PABPC1: variants seen among roughly 807,000 people sequenced by gnomAD.
The protein encoded by PABPC1 is poly(A) binding protein cytoplasmic 1.
Under a neutral mutation model 74.0 loss-of-function variants are expected in PABPC1, and 4 were observed. The observed-to-expected ratio is 0.05, with a 90% CI of 0.03 to 0.12. PABPC1 has a LOEUF of 0.12. Ranked by LOEUF, PABPC1 falls within the 10% of genes least tolerant of loss-of-function variation. The pLI, the probability that PABPC1 is intolerant of heterozygous loss-of-function variation, is 1.00. For synonymous variants in PABPC1, 227 were observed against 264.1 expected (o/e 0.86, Z 1.36); for missense variants, 271 against 821.1 (o/e 0.33, Z 8.19).
intron 11 of PABPC1, among the ~76,000 whole-genome samples, chr8:100,706,330 G>A (rs1047547841): frequency 2.0e-5 from 3 of 152,076 alleles, no homozygotes; most frequent in Admixed American, 6.5e-5. Context: ...TTTCTTTTGA[G>A]ACAGAGTCTT....
chr8:100,714,072 G>T (rs1810600326), intron 4 of PABPC1, among the ~76,000 whole-genome samples: 1 of 152,162 alleles, frequency 6.6e-6, no homozygotes, highest in South Asian at 2.1e-4. Context: ...GGCAGAAAAG[G>T]TTAAAAATCA....
At position 100,705,631 on chromosome 8, in the gene PABPC1, T is replaced by C; in HGVS notation, c.1645A>G (p.Met549Val). The C allele has an allele frequency of 1.9e-6, 3 of 1,613,956 alleles. No individual in the cohort carries two copies. Among genetic ancestry groups the C allele is most frequent in the Non-Finnish European group, 2.5e-6 (3 of 1,179,868 alleles). The change falls in exon 12 of 15, where the codon ATG becomes GTG. Residue 549 changes from methionine to valine, a missense_variant. By Grantham distance (21) the Met-to-Val change is conservative (BLOSUM62 1). Transcript: ENST00000318607. Reference sequence around the variant, plus strand: ...TCTTGAGGAGGGGCAGATGCCAACATGGAAGCAGTCAAAGGTTCCTGACCT... The same window carrying C: ...TCTTGAGGAGGGGCAGATGCCAACACGGAAGCAGTCAAAGGTTCCTGACCT... ...VQGQEPLTAS[M>V]LASAPPQEQK...
In PABPC1 at chr8:100,721,440, G is replaced by A. The variant is rs749443047; in HGVS notation, c.144C>T (p.Thr48=). 19 of 1,602,052 alleles carry A rather than the reference G, an allele frequency of 1.2e-5. No individual in the cohort carries two copies. Among genetic ancestry groups the A allele is most frequent in the Middle Eastern group, 1.7e-4 (1 of 6,058 alleles). The change falls in exon 1 of 15, where the codon ACC becomes ACT. Residue 48 remains threonine, a synonymous_variant. Coordinates refer to ENST00000318607, the MANE Select transcript of PABPC1 (RefSeq NM_002568.4). The surrounding 1 kb of genome is among the most constrained non-coding windows in gnomAD (Gnocchi z 7.4). ...LSIRVCRDMI[T]RRSLGYAYVN... is the part of the protein sequence containing the mutation. Reference sequence around the variant, plus strand: ...CATACGCGTAGCCCAAGGAGCGGCGGGTGATCATGTCCCTGCAGACCCGGA... The same window carrying A: ...CATACGCGTAGCCCAAGGAGCGGCGAGTGATCATGTCCCTGCAGACCCGGA...
chr8:100,715,425 G>C, intron 4 of PABPC1, 37 bp downstream of exon 4: 1 of 1,550,368 alleles, frequency 6.5e-7, no homozygotes, highest in Non-Finnish European at 8.7e-7. Flanking sequence ...CACTAATTCA[G>C]AGCTTTGTGT....
intron 5 of PABPC1, 56 bp from the exon 6 acceptor site, chr8:100,712,845 C>CATTTCCTTAACAGTTAAGACAA: frequency 6.6e-7 from 1 of 1,507,038 alleles, no homozygotes; most frequent in Non-Finnish European, 8.8e-7. Flanking sequence ...ACTTACAGTT[C>CATTTCCTTAACAGTTAAGACAA]ATTTCCTTAA....
Position 100,721,009 on chromosome 8 carries a change from G to A in PABPC1, c.193+382C>T, listed in dbSNP as rs1357663309. On this transcript the variant is annotated intron_variant, in intron 1 of 14. Coordinates refer to ENST00000318607, the MANE Select transcript of PABPC1 (RefSeq NM_002568.4). The surrounding 1 kb of genome is among the most constrained non-coding windows in gnomAD (Gnocchi z 7.4). ...GGCGCCGGCAGGAGCTCCGGGTGGT[G>A]GGAGCGCCTCCACCTCTTACCCACG... 1.3e-5 allele frequency among the ~76,000 whole-genome samples: 2 copies of A among 152,034 alleles called. No individual in the cohort carries two copies. The highest frequency in any genetic ancestry group is 2.9e-5 in the Non-Finnish European group (2 of 68,008).
Position 100,706,759 on chromosome 8 carries a change from G to GGCTGCA in PABPC1, c.1488_1493dup (p.Ala500_Ala501dup). 1 of 1,331,982 alleles carries GGCTGCA rather than the reference G, an allele frequency of 7.5e-7. No individual in the cohort carries two copies. Among genetic ancestry groups the GGCTGCA allele is most frequent in the Non-Finnish European group, 1.0e-6 (1 of 961,632 alleles). 82.5% of individuals were successfully genotyped at this position (1,331,982 alleles called of 1,614,324 possible). A position where few individuals can be genotyped will look rare whatever the true frequency, so the allele number is the denominator to read the frequency against. ...TGCGGACAGCAGGAGTAGCTGCAGC[G>GGCTGCA]GCTGCAGCTGCAGGACGTGGACCCA... On this transcript the variant is annotated inframe_insertion, in exon 11 of 15. Transcript: ENST00000318607.
chr8:100,717,592 C>T (rs955498593), intron 3 of PABPC1, among the ~76,000 whole-genome samples, 181 bp downstream of exon 3: 1 of 152,110 alleles, frequency 6.6e-6, no homozygotes. Context: ...TCAAGATTAG[C>T]TTATTAATTT....
intron 1 of PABPC1, among the ~76,000 whole-genome samples, chr8:100,719,655 T>C (rs1190991625): frequency 2.0e-5 from 3 of 152,222 alleles, no homozygotes; most frequent in African/African-American, 7.2e-5. Context: ...TACTGTACAC[T>C]GTAACCACGG....
intron 1 of PABPC1, among the ~76,000 whole-genome samples, chr8:100,720,226 A>G (rs1810781571): frequency 6.7e-6 from 1 of 150,310 alleles, no homozygotes. Flanking sequence ...CAATTGATCT[A>G]AAGACAAATC....
rs1475807465 is a variant in PABPC1, at chr8:100,715,443, TTTAA to T, written c.643+15_643+18del. The T allele has an allele frequency of 1.3e-6, 2 of 1,567,520 alleles. No individual in the cohort carries two copies. The highest frequency in any genetic ancestry group is 8.7e-7 in the Non-Finnish European group (1 of 1,153,954). ...TAATTCAGAGCTTTGTGTGTAAAAA[TTTAA>T]TTAAGACACATTACCAAACTTGCCA... is the stretch of plus-strand genomic sequence containing the variant. On this transcript the variant is annotated intron_variant, in intron 4 of 14. Coordinates refer to ENST00000318607, the MANE Select transcript of PABPC1 (RefSeq NM_002568.4).
At chr8:100,704,534 A>T in intron 13 of PABPC1, 144 bp from the exon 14 acceptor site, 1 of 726,292 alleles carries the variant, frequency 1.4e-6, no homozygotes, top group South Asian at 1.7e-5. Context: ...AACTATATCC[A>T]TTCAATTTTG....
At chr8:100,704,741 T>C (rs2129666577) in intron 13 of PABPC1, among the ~76,000 whole-genome samples, 185 bp downstream of exon 13, 1 of 152,360 alleles carries the variant, frequency 6.6e-6, no homozygotes, top group East Asian at 1.9e-4. Flanking sequence ...TGGCAAATTA[T>C]TCAGCCTGTT....
At chr8:100,717,564 A>G (rs548510806) in intron 3 of PABPC1, among the ~76,000 whole-genome samples, 17 of 152,340 alleles carry the variant, frequency 1.1e-4, no homozygotes, top group African/African-American at 4.1e-4. Context: ...TACTGTGTAG[A>G]AAATTCAATT....
intron 4 of PABPC1, 30 bp downstream of exon 4, chr8:100,715,432 G>C (rs759020291): frequency 5.5e-5 from 85 of 1,559,076 alleles, no homozygotes; most frequent in Non-Finnish European, 7.1e-5. Flanking sequence ...TCAGAGCTTT[G>C]TGTGTAAAAA....
rs1810724973 is a variant in PABPC1 at position 100,718,350 on chromosome 8, CTA to C, written c.194-72_194-71del. 6 of 1,239,174 alleles carry C rather than the reference CTA, an allele frequency of 4.8e-6. No individual in the cohort carries two copies. In the South Asian group the frequency reaches 8.3e-5, roughly 17 times the overall value. 76.8% of individuals were successfully genotyped at this position (1,239,174 alleles called of 1,614,324 possible). A position where few individuals can be genotyped will look rare whatever the true frequency, so the allele number is the denominator to read the frequency against. On this transcript the variant is annotated intron_variant, in intron 1 of 14. Coordinates refer to ENST00000318607, the MANE Select transcript of PABPC1 (RefSeq NM_002568.4). ...TGCTGGCTACTTAAGATTATATAAA[CTA>C]TGGTGACTGGAGTGGGAGGACACAT...
rs996430569 is a variant in PABPC1 at position 100,721,149 on chromosome 8, T to C, written c.193+242A>G. Among the ~76,000 whole-genome samples, 2 of 152,028 alleles carry C rather than the reference T, an allele frequency of 1.3e-5. No homozygotes were observed. The highest frequency in any genetic ancestry group is 4.8e-5 in the African/African-American group (2 of 41,412). ...GTCATCACCCTAAAGTTTGAGAGCG[T>C]CTGAGGCCGAGAAAATGGTCGCAAA... On this transcript the variant is annotated intron_variant, in intron 1 of 14. Coordinates refer to ENST00000318607, the MANE Select transcript of PABPC1 (RefSeq NM_002568.4). The surrounding 1 kb of genome is among the most constrained non-coding windows in gnomAD (Gnocchi z 7.4).
rs144483310 is a variant in PABPC1, at chr8:100,718,493, G to A, written c.194-213C>T. Among the ~76,000 whole-genome samples, 1,243 of 152,252 alleles carry A rather than the reference G, an allele frequency of 8.2e-3. 8 individuals are homozygous for A. The highest frequency in any genetic ancestry group is 0.027 in the African/African-American group (1,119 of 41,538). On this transcript the variant is annotated intron_variant, in intron 1 of 14. Coordinates refer to ENST00000318607, the MANE Select transcript of PABPC1 (RefSeq NM_002568.4). ...GCAAAGACAAATACCAGAAGCCCCC[G>A]AAATTTCTCACATATAAAAGAATTC...
intron 3 of PABPC1, among the ~76,000 whole-genome samples, chr8:100,717,081 G>A (rs557826861): frequency 1.3e-5 from 2 of 152,150 alleles, no homozygotes; most frequent in Non-Finnish European, 2.9e-5. Flanking sequence ...CGAAATCTCG[G>A]TTCACTGCAA....
Sources: gnomAD v4.1 joint callset for allele counts (sites outside exome capture counted in the v4.1 genomes callset) on GRCh38, gnomAD v4.1.1 for gene constraint, Gnocchi (gnomAD v3.1) non-coding constraint, MANE v1.5 for transcripts, NCBI Gene and HGNC (gene_info 2026-07-23, HGNC 2026-07-21) for gene names.